ACADM: variants seen among roughly 807,000 people sequenced by gnomAD.
The protein encoded by ACADM is medium-chain specific acyl-CoA dehydrogenase, mitochondrial.
In ACADM, 49 loss-of-function variants were observed where a neutral mutation model predicts 58.9. That is an observed-to-expected ratio of 0.83 (90% CI 0.66 to 1.06). The LOEUF (loss-of-function observed/expected upper bound fraction) is 1.06, where lower values mean the gene tolerates loss of function less well. Among genes scored for constraint, ACADM ranks in the 50% least tolerant of loss-of-function variants. The pLI is 0.00. For missense variants in ACADM, 496 were observed against 507.0 expected (o/e 0.98, Z 0.21); for synonymous variants, 160 against 157.7 (o/e 1.01, Z -0.11).
At chr1:75,729,416 C>A (rs1190865109) in intron 2 of ACADM, among the ~76,000 whole-genome samples, 1 of 148,104 alleles carries the variant, frequency 6.8e-6, no homozygotes, top group Non-Finnish European at 1.5e-5. Flanking sequence ...GGATTATAGG[C>A]ATGAGCTACT....
At chr1:75,743,039 CTT>C (rs1345123826) in intron 7 of ACADM, among the ~76,000 whole-genome samples, 3 of 152,174 alleles carry the variant, frequency 2.0e-5, no homozygotes, top group African/African-American at 7.2e-5. Context: ...GCAGAACAAA[CTT>C]TCAAAAGATA....
intron 10 of ACADM, among the ~76,000 whole-genome samples, chr1:75,752,965 T>A (rs1165572581): frequency 2.6e-5 from 4 of 152,340 alleles, no homozygotes; most frequent in African/African-American, 4.8e-5. Flanking sequence ...TTATTTTACA[T>A]TAATTTCTTG....
intron 11 of ACADM, among the ~76,000 whole-genome samples, chr1:75,761,952 T>G (rs1648882749): frequency 6.6e-6 from 1 of 152,208 alleles, no homozygotes; most frequent in Non-Finnish European, 1.5e-5. Flanking sequence ...AGCAAATTAT[T>G]TGACTCATCC....
At chr1:75,731,278 C>CAAAAAAAA (rs56885972) in intron 2 of ACADM, among the ~76,000 whole-genome samples, 1 of 64,932 alleles carries the variant, frequency 1.5e-5, no homozygotes, top group Non-Finnish European at 2.7e-5. Context: ...GACTCCGTCT[C>CAAAAAAAA]AAAAAAAAAA....
intron 8 of ACADM, among the ~76,000 whole-genome samples, chr1:75,748,107 GT>G (rs1231157408): frequency 2.6e-5 from 4 of 152,046 alleles, no homozygotes; most frequent in Non-Finnish European, 5.9e-5. Flanking sequence ...ATGAGATCAA[GT>G]TTTTTTCCTT....
Position 75,734,378 on chromosome 1 carries a change from T to C in ACADM, c.388-413T>C, listed in dbSNP as rs183897352. 2.8e-3 allele frequency among the ~76,000 whole-genome samples: 428 copies of C among 150,870 alleles called. 3 individuals are homozygous for C. The highest frequency in any genetic ancestry group is 9.8e-3 in the African/African-American group (405 of 41,140). The stretch of plus-strand genomic sequence containing the variant: ...TTTTAGTAGAGACGGGGTGTCACCC[T>C]GTTGGCCAGGATGGTCTCTATCTCT... On this transcript the variant is annotated intron_variant, in intron 5 of 11. Coordinates refer to ENST00000370841, the MANE Select transcript of ACADM (RefSeq NM_000016.6).
intron 10 of ACADM, among the ~76,000 whole-genome samples, chr1:75,760,721 C>G (rs1185086596): frequency 6.6e-6 from 1 of 151,914 alleles, no homozygotes; most frequent in South Asian, 2.1e-4. Context: ...CTAAATTCAA[C>G]GTATAATGGT....
At chr1:75,757,307 C>T (rs1163675017) in intron 10 of ACADM, among the ~76,000 whole-genome samples, 1 of 152,124 alleles carries the variant, frequency 6.6e-6, no homozygotes, top group African/African-American at 2.4e-5. Flanking sequence ...ATAATCTACC[C>T]ATCTGACAAA....
intron 7 of ACADM, chr1:75,744,414 G>T (rs1434520424): frequency 7.4e-6 from 11 of 1,493,492 alleles, no homozygotes; most frequent in Non-Finnish European, 1.0e-5. Flanking sequence ...CTTCAATCAT[G>T]CCATTTGCTG....
chr1:75,726,427 C>G (rs1026148039), intron 1 of ACADM, among the ~76,000 whole-genome samples: 1 of 150,540 alleles, frequency 6.6e-6, no homozygotes, highest in African/African-American at 2.4e-5. Flanking sequence ...GACTTTTGTG[C>G]ATGGTATTTA....
At chr1:75,760,815 C>T (rs1043702165) in intron 10 of ACADM, among the ~76,000 whole-genome samples, 43 of 152,184 alleles carry the variant, frequency 2.8e-4, no homozygotes, top group African/African-American at 1.0e-3. Context: ...GTGTTAATGT[C>T]CTGTTCTCGA....
chr1:75,732,588 A>C, intron 2 of ACADM, 56 bp from the exon 3 acceptor site: 1 of 1,330,828 alleles, frequency 7.5e-7, no homozygotes, highest in Admixed American at 1.7e-5. Flanking sequence ...TACTGACTTC[A>C]TAGGACATTT....
intron 4 of ACADM, chr1:75,733,173 T>A (rs767211797): frequency 8.3e-5 from 134 of 1,612,196 alleles, no homozygotes; most frequent in Non-Finnish European, 9.7e-5. Context: ...CTAGAGTTGG[T>A]CAATTTGTTG....
chr1:75,759,637 CTCTA>C (rs1207241842), intron 10 of ACADM, among the ~76,000 whole-genome samples: 1 of 144,596 alleles, frequency 6.9e-6, no homozygotes, highest in Non-Finnish European at 1.5e-5. Flanking sequence ...CATTATTTTT[CTCTA>C]TCTGTAGCAA....
chr1:75,737,322 AT>A (rs1647323714), intron 6 of ACADM, among the ~76,000 whole-genome samples: 2 of 129,718 alleles, frequency 1.5e-5, no homozygotes, highest in South Asian at 5.0e-4. Flanking sequence ...ATATATATAT[AT>A]ATATGAAACC....
At chr1:75,755,470 C>T (rs1478239175) in intron 10 of ACADM, among the ~76,000 whole-genome samples, 1 of 152,214 alleles carries the variant, frequency 6.6e-6, no homozygotes, top group South Asian at 2.1e-4. Context: ...AGTTCTGCAG[C>T]CTCTGCTGGT....
At chr1:75,759,568 A>C (rs1280073894) in intron 10 of ACADM, among the ~76,000 whole-genome samples, 1 of 151,576 alleles carries the variant, frequency 6.6e-6, no homozygotes, top group Non-Finnish European at 1.5e-5. Context: ...GAGCCTCTAG[A>C]GTCTAAGAAG....
rs17848070 is a variant in ACADM, at chr1:75,728,420, G to A, written c.50G>A (p.Arg17His). The A allele has an allele frequency of 5.4e-5, 87 of 1,613,056 alleles. No homozygotes were observed. The East Asian group carries it at 1.2e-3, about 22-fold the overall frequency. Residue 17 changes from arginine to histidine, a missense_variant, in exon 2 of 12, where the codon CGT becomes CAT. By Grantham distance (29) the Arg-to-His change is conservative. Coordinates refer to ENST00000370841, the MANE Select transcript of ACADM (RefSeq NM_000016.6). ...RCCRVLRSIS[R>H]FHWRSQHTKA... The stretch of plus-strand genomic sequence containing the variant: ...TTACAGGTCCTGAGAAGTATTTCTC[G>A]TTTTCATTGGAGATCACAGCATACA...
At chr1:75,733,502 T>C (rs1476680785) in intron 4 of ACADM, 26 bp from the exon 5 acceptor site, 2 of 1,557,182 alleles carry the variant, frequency 1.3e-6, no homozygotes, top group South Asian at 1.1e-5. Context: ...CATATTACAA[T>C]GTGTTGAAAC....
Sources: allele counts gnomAD v4.1 joint callset (sites outside exome capture counted in the v4.1 genomes callset), GRCh38; gene constraint gnomAD v4.1.1; transcripts MANE v1.5; gene names NCBI Gene and HGNC (gene_info 2026-07-23, HGNC 2026-07-21).